The following PRELID2 variants were observed in gnomAD, a reference collection of about 807,000 sequenced individuals.
PRELID2 encodes PRELI domain-containing protein 2.
A neutral mutation model predicts 28.4 loss-of-function variants in PRELID2; 25 were observed. That is an observed-to-expected ratio of 0.88 (90% confidence interval 0.64 to 1.23). The LOEUF is 1.23. Among genes scored for constraint, PRELID2 ranks in the 50% most tolerant of loss-of-function variants. The pLI is 0.00. For synonymous variants in PRELID2, 76 were observed against 71.6 expected, an observed-to-expected ratio of 1.06 and a Z score of -0.31; for missense variants, 201 against 214.4, an observed-to-expected ratio of 0.94 and a Z score of 0.39.
the PRELID2 span, among the ~76,000 whole-genome samples, chr5:145,352,722 T>G: frequency 2.6e-5 from 4 of 152,304 alleles, no homozygotes; most frequent in African/African-American, 7.2e-5. Flanking sequence ...TTTTCCAAAC[T>G]TTTATGTTCT....
chr5:145,251,705 G>A, the PRELID2 span, among the ~76,000 whole-genome samples: 344 of 152,222 alleles, frequency 2.3e-3, no homozygotes, highest in Admixed American at 5.4e-3. Context: ...CTAGGTCCTA[G>A]TTTTGGTTAT....
the PRELID2 span, among the ~76,000 whole-genome samples, chr5:145,383,053 C>G: frequency 6.6e-6 from 1 of 151,574 alleles, no homozygotes; most frequent in African/African-American, 2.4e-5. Context: ...ATCATTTCCT[C>G]CAGATTGATC....
At chr5:145,634,526 CT>C (rs1753974749) in intron 1 of PRELID2, among the ~76,000 whole-genome samples, 1 of 152,142 alleles carries the variant, frequency 6.6e-6, no homozygotes, top group Non-Finnish European at 1.5e-5. Context: ...TCCCTCTATT[CT>C]TTTCACCTGA....
chr5:145,234,007 G>A, the PRELID2 span, among the ~76,000 whole-genome samples: 1 of 152,138 alleles, frequency 6.6e-6, no homozygotes, highest in Non-Finnish European at 1.5e-5. Flanking sequence ...TCTACAAAGC[G>A]AGTGGAAAAT....
chr5:145,432,831 T>C, the PRELID2 span, among the ~76,000 whole-genome samples: 1 of 152,114 alleles, frequency 6.6e-6, no homozygotes, highest in South Asian at 2.1e-4. Context: ...CCTATATAAA[T>C]CTCTGAACCA....
intron 1 of PRELID2, among the ~76,000 whole-genome samples, chr5:145,601,313 A>G (rs963083293): frequency 1.3e-5 from 2 of 152,166 alleles, no homozygotes; most frequent in Non-Finnish European, 2.9e-5. Flanking sequence ...CCTGAAATAC[A>G]GAGAGAAAAA....
At chr5:145,391,818 T>C in the PRELID2 span, among the ~76,000 whole-genome samples, 32 of 152,136 alleles carry the variant, frequency 2.1e-4, no homozygotes, top group Non-Finnish European at 4.0e-4. Context: ...AAGTTCAAAG[T>C]TCCACAGATC....
chr5:145,421,923 G>C, the PRELID2 span, among the ~76,000 whole-genome samples: 3 of 151,728 alleles, frequency 2.0e-5, no homozygotes, highest in Non-Finnish European at 2.9e-5. Context: ...AGAGATTCTG[G>C]TATGTTGTGT....
chr5:145,460,108 C>A, the PRELID2 span, among the ~76,000 whole-genome samples: 4 of 152,160 alleles, frequency 2.6e-5, no homozygotes, highest in Non-Finnish European at 5.9e-5. Context: ...TGTGCCCAGC[C>A]TGTTAGTTCA....
At chr5:145,795,821 T>C (rs954850007) in intron 5 of PRELID2, 1 of 152,160 alleles carries the variant, frequency 6.6e-6, no homozygotes. Context: ...ATAAATGTTA[T>C]ATGGAATACC....
the PRELID2 span, among the ~76,000 whole-genome samples, chr5:145,435,372 T>G: frequency 7.9e-5 from 12 of 151,758 alleles, no homozygotes; most frequent in East Asian, 1.9e-4. Flanking sequence ...GAGGAGTGAG[T>G]GCAAAGGCCC....
chr5:145,301,968 C>A, the PRELID2 span, among the ~76,000 whole-genome samples: 2 of 107,464 alleles, frequency 1.9e-5, no homozygotes, highest in African/African-American at 3.5e-5. Context: ...TGGTAATTTG[C>A]ATTTTCAAAT....
chr5:145,445,410 T>G, the PRELID2 span, among the ~76,000 whole-genome samples: 1 of 151,956 alleles, frequency 6.6e-6, no homozygotes, highest in Admixed American at 6.6e-5. Flanking sequence ...ATGTAAGAAC[T>G]GAAACTATGA....
chr5:145,661,784 A>C lies in PRELID2; in HGVS notation n.70+103147T>G, dbSNP rs548713044. 5.3e-5 allele frequency among the ~76,000 whole-genome samples: 8 copies of C among 152,182 alleles called. No individual in the cohort carries two copies. The East Asian group carries it at 1.5e-3, about 29-fold the overall frequency. On this transcript the variant is annotated intron_variant and non_coding_transcript_variant, in intron 1 of 2. Coordinates refer to the PRELID2 transcript ENST00000510259. ...CAGCATGTAGTCAACAAGTTAAGAG[A>C]AAAGGTTCTGCAAGAATGTGACCCA...
At chr5:145,245,431 G>C in the PRELID2 span, among the ~76,000 whole-genome samples, 2 of 151,462 alleles carry the variant, frequency 1.3e-5, no homozygotes, top group Non-Finnish European at 3.0e-5. Context: ...GAGAGAGAGA[G>C]AGAGAGCACA....
intron 1 of PRELID2, among the ~76,000 whole-genome samples, chr5:145,493,963 TCATAA>T (rs1752288929): frequency 6.6e-6 from 1 of 152,228 alleles, no homozygotes. Flanking sequence ...AGGCACCATA[TCATAA>T]CATGTTTTAA....
At chr5:145,588,821 G>A (rs1561511915) in intron 1 of PRELID2, among the ~76,000 whole-genome samples, 1 of 151,754 alleles carries the variant, frequency 6.6e-6, no homozygotes, top group Non-Finnish European at 1.5e-5. Context: ...AGGAAGTGAA[G>A]CCCTGCAATG....
At chr5:145,470,983 C>T (rs1437184784), downstream of PRELID2, among the ~76,000 whole-genome samples, 1 of 152,028 alleles carries the variant, frequency 6.6e-6, no homozygotes, top group African/African-American at 2.4e-5. Flanking sequence ...ATCCTAACCC[C>T]GGAGGTATAT....
At chr5:145,534,199 C>T (rs941449663) in intron 1 of PRELID2, among the ~76,000 whole-genome samples, 2 of 152,032 alleles carry the variant, frequency 1.3e-5, no homozygotes, top group Non-Finnish European at 2.9e-5. Flanking sequence ...TAAGACTTCA[C>T]TAAACAAGCT....
Sources: allele counts gnomAD v4.1 joint callset (sites outside exome capture counted in the v4.1 genomes callset), GRCh38; gene constraint gnomAD v4.1.1; transcripts MANE v1.5; gene names NCBI Gene and HGNC (gene_info 2026-07-23, HGNC 2026-07-21).